Variants in SLC12A1 observed in about 807,000 individuals in gnomAD.
SLC12A1 encodes solute carrier family 12 member 1, also known as Na-K-2Cl cotransporter.
A neutral mutation model predicts 130.4 loss-of-function variants in SLC12A1; 89 were observed. The observed-to-expected ratio is 0.68, with a 90% CI of 0.58 to 0.81. SLC12A1 has a LOEUF of 0.81. Among genes scored for constraint, SLC12A1 ranks in the 40% least tolerant of loss-of-function variants. The pLI is 0.00. For missense variants in SLC12A1, 1,310 were observed against 1,336.4 expected (o/e 0.98, Z 0.31); for synonymous variants, 499 against 460.0 (o/e 1.08, Z -1.09).
intron 24 of SLC12A1, among the ~76,000 whole-genome samples, chr15:48,297,452 T>G (rs2042189045): frequency 6.6e-6 from 1 of 152,200 alleles, no homozygotes; most frequent in Admixed American, 6.5e-5. Flanking sequence ...CCATTCCCAC[T>G]GAAAGTACAA....
intron 11 of SLC12A1, 105 bp from the exon 12 acceptor site, chr15:48,246,804 A>C (rs2041587054): frequency 1.2e-6 from 1 of 827,546 alleles, no homozygotes; most frequent in African/African-American, 1.7e-5. Context: ...CAAGAAAAGG[A>C]ATGTGAGAAT....
intron 25 of SLC12A1, 136 bp from the exon 26 acceptor site, chr15:48,301,179 T>C: frequency 2.8e-6 from 2 of 703,128 alleles, no homozygotes; most frequent in African/African-American, 1.8e-5. Flanking sequence ...CATAAGTTTC[T>C]AAGCCTGAAA....
chr15:48,277,377 T>C (rs1244578624), intron 20 of SLC12A1, among the ~76,000 whole-genome samples: 6 of 151,334 alleles, frequency 4.0e-5, no homozygotes, highest in Admixed American at 1.3e-4. Context: ...GAGGTGAGGA[T>C]TGATGATGGG....
chr15:48,285,447 C>G (rs1163682549), intron 21 of SLC12A1, among the ~76,000 whole-genome samples, 198 bp downstream of exon 21: 2 of 152,146 alleles, frequency 1.3e-5, no homozygotes, highest in Non-Finnish European at 2.9e-5. Context: ...TACTTTGTAC[C>G]ATCTTACTGT....
At chr15:48,220,010 A>G (rs1416754643) in intron 2 of SLC12A1, among the ~76,000 whole-genome samples, 2 of 151,292 alleles carry the variant, frequency 1.3e-5, no homozygotes, top group Non-Finnish European at 2.9e-5. Context: ...TCGGGAGGCT[A>G]AGGCACAAGA....
At chr15:48,219,807 C>G (rs2041177409) in intron 2 of SLC12A1, among the ~76,000 whole-genome samples, 1 of 151,992 alleles carries the variant, frequency 6.6e-6, no homozygotes, top group African/African-American at 2.4e-5. Context: ...AATCCTAGCA[C>G]TTTGGGAGGC....
At chr15:48,291,127 T>C (rs940267826) in intron 23 of SLC12A1, among the ~76,000 whole-genome samples, 1 of 151,562 alleles carries the variant, frequency 6.6e-6, no homozygotes, top group East Asian at 1.9e-4. Flanking sequence ...ACAAAGAAAA[T>C]GGTAAATCAA....
intron 7 of SLC12A1, among the ~76,000 whole-genome samples, chr15:48,232,283 G>T (rs562722531): frequency 2.1e-4 from 32 of 152,276 alleles, no homozygotes; most frequent in African/African-American, 7.7e-4. Context: ...AAGTGCACTG[G>T]GAATCACAGG....
At chr15:48,249,719 AGTTT>A in intron 14 of SLC12A1, 43 bp downstream of exon 14, 1 of 1,359,308 alleles carries the variant, frequency 7.4e-7, no homozygotes, top group Non-Finnish European at 1.1e-6. Flanking sequence ...GCAAACAGTT[AGTTT>A]GTCTCAATAA....
intron 7 of SLC12A1, among the ~76,000 whole-genome samples, chr15:48,231,420 T>C (rs2041376015): frequency 6.6e-6 from 1 of 152,238 alleles, no homozygotes; most frequent in Non-Finnish European, 1.5e-5. Context: ...CACAGAACCC[T>C]ACTTTAGATA....
rs752509987 is a variant in SLC12A1, at chr15:48,301,381, C to T, written c.3163C>T (p.Leu1055=). 65 of 1,575,078 alleles carry T rather than the reference C, an allele frequency of 4.1e-5. No homozygotes were observed. The highest frequency in any genetic ancestry group is 5.6e-5 in the Non-Finnish European group (65 of 1,157,114). Residue 1055 remains leucine, a splice_region_variant and synonymous_variant, in exon 26 of 27, where the codon CTG becomes TTG. Transcript: ENST00000380993. ...CTCCAGAGCTGCTAATCTCATTGTC[C>T]TGTAAGTATCATTGCAAGCATTGAA... ...EHSRAANLIV[L]SLPVARKGSI...
At chr15:48,276,285 A>C (rs953349140) in intron 20 of SLC12A1, among the ~76,000 whole-genome samples, 22 of 152,320 alleles carry the variant, frequency 1.4e-4, no homozygotes, top group African/African-American at 5.3e-4. Flanking sequence ...CCTCATCATA[A>C]AAGAGAAATC....
intron 24 of SLC12A1, among the ~76,000 whole-genome samples, chr15:48,296,364 A>G (rs2042177516): frequency 6.6e-6 from 1 of 152,234 alleles, no homozygotes; most frequent in South Asian, 2.1e-4. Flanking sequence ...AAGGGAGTAC[A>G]AAAGCAAAGT....
At chr15:48,293,875 A>C (rs539856255) in intron 24 of SLC12A1, among the ~76,000 whole-genome samples, 4 of 151,900 alleles carry the variant, frequency 2.6e-5, no homozygotes, top group East Asian at 1.9e-4. Context: ...CAAGACCCCC[A>C]AAAATAGCAA....
At chr15:48,302,125 A>G (rs1318022747) in intron 26 of SLC12A1, among the ~76,000 whole-genome samples, 2 of 152,152 alleles carry the variant, frequency 1.3e-5, no homozygotes, top group Non-Finnish European at 2.9e-5. Context: ...TATTTGAAAA[A>G]TCATTTACAC....
intron 17 of SLC12A1, among the ~76,000 whole-genome samples, chr15:48,262,035 T>C (rs767957326): frequency 2.0e-5 from 3 of 150,798 alleles, no homozygotes; most frequent in African/African-American, 4.9e-5. Context: ...TATTGTGATA[T>C]TGTTATTGTC....
intron 23 of SLC12A1, among the ~76,000 whole-genome samples, chr15:48,290,636 G>A (rs1337600690): frequency 2.0e-5 from 3 of 151,990 alleles, no homozygotes; most frequent in Non-Finnish European, 4.4e-5. Flanking sequence ...ATAATCTTAT[G>A]GGACCACCAT....
At chr15:48,267,213 T>C (rs935126023) in intron 17 of SLC12A1, among the ~76,000 whole-genome samples, 7 of 152,226 alleles carry the variant, frequency 4.6e-5, no homozygotes, top group African/African-American at 1.7e-4. Flanking sequence ...TGGCTCTCGC[T>C]AATGAGTCAA....
At chr15:48,286,702 T>C (rs1317528747) in intron 21 of SLC12A1, among the ~76,000 whole-genome samples, 1 of 152,218 alleles carries the variant, frequency 6.6e-6, no homozygotes, top group Admixed American at 6.5e-5. Flanking sequence ...TGTCAAATTG[T>C]TCAGAAAAGA....
Sources: gnomAD v4.1 joint callset for allele counts (sites outside exome capture counted in the v4.1 genomes callset) on GRCh38, gnomAD v4.1.1 for gene constraint, MANE v1.5 for transcripts, NCBI Gene and HGNC (gene_info 2026-07-23, HGNC 2026-07-21) for gene names.